The following MAP7 variants were observed in gnomAD, a reference collection of about 807,000 sequenced individuals.
The protein encoded by MAP7 is microtubule associated protein 7, also known as ensconsin.
In MAP7, 52 loss-of-function variants were observed where a neutral mutation model predicts 94.8. The ratio of observed to expected loss-of-function variants is 0.55; its 90% CI spans 0.44 to 0.69. The LOEUF (loss-of-function observed/expected upper bound fraction) is 0.69, where lower values mean the gene tolerates loss of function less well. MAP7 is among the 30% of genes least tolerant of loss of function. The pLI is 0.00. For synonymous variants in MAP7, 350 were observed against 357.0 expected, an observed-to-expected ratio of 0.98 and a Z score of 0.22; for missense variants, 940 against 964.6, an observed-to-expected ratio of 0.97 and a Z score of 0.34.
chr6:136,421,473 C>T (rs1791331201), intron 2 of MAP7, among the ~76,000 whole-genome samples: 1 of 152,188 alleles, frequency 6.6e-6, no homozygotes, highest in South Asian at 2.1e-4. Flanking sequence ...TTTGAATCTA[C>T]ATTTTAAAGA....
chr6:136,359,536 T>C (rs1454041916), intron 15 of MAP7, among the ~76,000 whole-genome samples: 3 of 152,196 alleles, frequency 2.0e-5, no homozygotes, highest in Admixed American at 2.0e-4. Flanking sequence ...TACACATATA[T>C]GTATAAGTAT....
intron 3 of MAP7, among the ~76,000 whole-genome samples, chr6:136,408,117 T>G (rs2128729632): frequency 6.6e-6 from 1 of 151,708 alleles, no homozygotes; most frequent in Middle Eastern, 3.4e-3. Flanking sequence ...AAACAAAAAA[T>G]AAAAGCTTAG....
chr6:136,443,023 T>G (rs1045467418), intron 1 of MAP7, among the ~76,000 whole-genome samples: 1 of 152,214 alleles, frequency 6.6e-6, no homozygotes, highest in Admixed American at 6.5e-5. Context: ...TATTTAAATA[T>G]GGTTAAAAAT....
chr6:136,475,678 T>A (rs1810639690), intron 1 of MAP7, among the ~76,000 whole-genome samples: 1 of 152,206 alleles, frequency 6.6e-6, no homozygotes, highest in Non-Finnish European at 1.5e-5. Context: ...AAAATTATAA[T>A]TAGTTATGAA....
chr6:136,527,180 T>C (rs1280987353), intron 1 of MAP7, among the ~76,000 whole-genome samples: 1 of 152,216 alleles, frequency 6.6e-6, no homozygotes, highest in East Asian at 1.9e-4. Flanking sequence ...TGGATCGTTT[T>C]CTTCAAAGCA....
intron 1 of MAP7, among the ~76,000 whole-genome samples, chr6:136,478,979 C>CAAAAAAAAAAAAAA (rs59319740): frequency 8.8e-5 from 4 of 45,472 alleles, no homozygotes; most frequent in Non-Finnish European, 1.9e-4. Context: ...ACAGACACAT[C>CAAAAAAAAAAAAAA]AAAAAAAAAA....
At chr6:136,514,605 A>C (rs1349650163) in intron 1 of MAP7, among the ~76,000 whole-genome samples, 4 of 149,678 alleles carry the variant, frequency 2.7e-5, no homozygotes, top group Non-Finnish European at 5.9e-5. Flanking sequence ...AAAAAAAAAA[A>C]AAGAAAACAA....
At chr6:136,463,209 C>T (rs1434618960) in intron 1 of MAP7, among the ~76,000 whole-genome samples, 1 of 152,072 alleles carries the variant, frequency 6.6e-6, no homozygotes, top group East Asian at 1.9e-4. Flanking sequence ...AATTAAAATA[C>T]TAACCAGAAA....
In MAP7 at chr6:136,362,574, T is replaced by G; in HGVS notation, c.1402A>C (p.Lys468Gln). 6.2e-7 allele frequency: 1 copy of G among 1,614,070 alleles called. No individual in the cohort carries two copies. The change falls in exon 11 of 18, where the codon AAG becomes CAG. Residue 468 changes from lysine (K) to glutamine (Q), a missense_variant. Coordinates refer to ENST00000354570, the MANE Select transcript of MAP7 (RefSeq NM_003980.6). ...GGGTCGGTGGTGCCTGCAGAAGTCT[T>G]AACAGAAGCACTGGCATTCACAGTG... is the stretch of plus-strand genomic sequence containing the variant. ...SSTVNASASV[K>Q]TSAGTTDPEE...
chr6:136,517,012 T>C (rs1289748123), intron 1 of MAP7, among the ~76,000 whole-genome samples: 1 of 151,466 alleles, frequency 6.6e-6, no homozygotes, highest in Non-Finnish European at 1.5e-5. Context: ...GCTTTTAAAA[T>C]GGCAGATGAT....
chr6:136,423,533 G>A (rs758580483), intron 1 of MAP7, among the ~76,000 whole-genome samples: 2 of 152,062 alleles, frequency 1.3e-5, no homozygotes, highest in Non-Finnish European at 2.9e-5. Flanking sequence ...GTCAGCCGCT[G>A]TTTCCAGAGG....
intron 17 of MAP7, among the ~76,000 whole-genome samples, chr6:136,345,348 T>C (rs904758819): frequency 2.0e-5 from 3 of 152,204 alleles, no homozygotes; most frequent in African/African-American, 7.2e-5. Flanking sequence ...CTATCCATCA[T>C]GTCACATTTT....
At chr6:136,503,997 T>C (rs139954659) in intron 1 of MAP7, among the ~76,000 whole-genome samples, 3 of 152,308 alleles carry the variant, frequency 2.0e-5, no homozygotes, top group Admixed American at 2.0e-4. Flanking sequence ...TGGGGAATAG[T>C]AAATAAACTG....
chr6:136,518,434 G>A (rs888493876), intron 1 of MAP7, among the ~76,000 whole-genome samples: 2 of 152,178 alleles, frequency 1.3e-5, no homozygotes, highest in African/African-American at 2.4e-5. Context: ...TAATGCTCTG[G>A]TAAACATTCA....
intron 1 of MAP7, among the ~76,000 whole-genome samples, chr6:136,441,619 GACCA>G (rs1414273520): frequency 1.3e-5 from 2 of 152,132 alleles, no homozygotes; most frequent in African/African-American, 4.8e-5. Context: ...TTAAGCTGAA[GACCA>G]GGGCATGAAA....
intron 16 of MAP7, among the ~76,000 whole-genome samples, chr6:136,352,874 C>A (rs1789627727): frequency 1.3e-5 from 2 of 152,158 alleles, no homozygotes; most frequent in South Asian, 4.1e-4. Flanking sequence ...CTTCTTTATG[C>A]CCTTCTTTTC....
At chr6:136,371,165 T>A (rs1409412574) in intron 8 of MAP7, among the ~76,000 whole-genome samples, 1 of 152,180 alleles carries the variant, frequency 6.6e-6, no homozygotes, top group Non-Finnish European at 1.5e-5. Flanking sequence ...AGGCTCTGGA[T>A]CATGTGATGA....
intron 1 of MAP7, among the ~76,000 whole-genome samples, chr6:136,464,679 A>G (rs999088480): frequency 1.3e-5 from 2 of 152,200 alleles, no homozygotes; most frequent in African/African-American, 4.8e-5. Context: ...ATAAAACCAT[A>G]TCTTTTTGGT....
At chr6:136,416,254 G>C (rs563539340) in intron 2 of MAP7, among the ~76,000 whole-genome samples, 10 of 152,218 alleles carry the variant, frequency 6.6e-5, no homozygotes, top group African/African-American at 1.7e-4. Context: ...CTTTTATTAA[G>C]ATGCACCAAT....
Sources: allele counts gnomAD v4.1 joint callset (sites outside exome capture counted in the v4.1 genomes callset), GRCh38; gene constraint gnomAD v4.1.1; transcripts MANE v1.5; gene names NCBI Gene and HGNC (gene_info 2026-07-23, HGNC 2026-07-21).